The following ADGRD1 variants were observed in gnomAD, a reference collection of about 807,000 sequenced individuals.
The protein encoded by ADGRD1 is adhesion G protein-coupled receptor D1.
A neutral mutation model predicts 113.4 loss-of-function variants in ADGRD1; 77 were observed. The ratio of observed to expected loss-of-function variants is 0.68; its 90% CI spans 0.57 to 0.82. ADGRD1 has a LOEUF of 0.82. ADGRD1 is among the 40% of genes least tolerant of loss of function. The probability of loss-of-function intolerance (pLI) is 0.00; values close to 1 mark genes in which losing one functional copy is unlikely to be tolerated. For synonymous variants in ADGRD1, 474 were observed against 475.0 expected, an observed-to-expected ratio of 1.00 and a Z score of 0.03; for missense variants, 1,036 against 1,139.1, an observed-to-expected ratio of 0.91 and a Z score of 1.30.
At chr12:131,080,029 CTCT>C (rs1175753139) in intron 14 of ADGRD1, among the ~76,000 whole-genome samples, 1 of 152,110 alleles carries the variant, frequency 6.6e-6, no homozygotes, top group Non-Finnish European at 1.5e-5. Context: ...GTTTAATTTG[CTCT>C]TCATTTTAAA....
At chr12:131,101,495 C>G (rs539024958) in intron 15 of ADGRD1, among the ~76,000 whole-genome samples, 2 of 140,998 alleles carry the variant, frequency 1.4e-5, no homozygotes, top group South Asian at 4.6e-4. Flanking sequence ...TCAAGTGATT[C>G]TCCTGCCTCA....
chr12:131,134,916 C>CT (rs1951037500), intron 21 of ADGRD1, among the ~76,000 whole-genome samples: 1 of 152,258 alleles, frequency 6.6e-6, no homozygotes, highest in Non-Finnish European at 1.5e-5. Flanking sequence ...AAGGAACCCA[C>CT]AGTCTATGAG....
In ADGRD1 at chr12:130,966,926, C is replaced by A. The variant is rs1593266880; in HGVS notation, c.187+380C>A. 2.3e-6 allele frequency: 1 copy of A among 440,298 alleles called. No homozygotes were observed. The highest frequency in any genetic ancestry group is 7.1e-5 in the East Asian group (1 of 14,184). 27.3% of individuals were successfully genotyped at this position (440,298 alleles called of 1,614,324 possible). ...TGAGCCACTGTGCCAGGCCACGAAGCATTTTACTAGAATTTTTATAGAGAG... is the reference window on the plus strand; with the variant it reads ...TGAGCCACTGTGCCAGGCCACGAAGAATTTTACTAGAATTTTTATAGAGAG... On this transcript the variant is annotated intron_variant, in intron 3 of 24. Transcript: ENST00000261654. This position sits in a 1 kb window ranked among gnomAD's most constrained non-coding sequence, Gnocchi z 4.6.
chr12:131,070,732 A>C, intron 13 of ADGRD1: 1 of 485,690 alleles, frequency 2.1e-6, no homozygotes, highest in South Asian at 1.5e-5. Flanking sequence ...CACCCACAGC[A>C]CTATCCTGGG....
chr12:131,113,992 C>G lies in ADGRD1; in HGVS notation c.2042-4393C>G, dbSNP rs540205817. 2.6e-5 allele frequency among the ~76,000 whole-genome samples: 4 copies of G among 152,162 alleles called. No individual in the cohort carries two copies. In the South Asian group the frequency reaches 8.5e-4, roughly 32 times the overall value. On this transcript the variant is annotated intron_variant, in intron 18 of 24. Coordinates refer to ENST00000261654, the MANE Select transcript of ADGRD1 (RefSeq NM_198827.5). The surrounding 1 kb of genome is among the most constrained non-coding windows in gnomAD (Gnocchi z 4.9). ...TTAGAGGCATACGTGCATGTGTGCACGCACACACACGCACACACACTCACA... is the reference window on the plus strand; with the variant it reads ...TTAGAGGCATACGTGCATGTGTGCAGGCACACACACGCACACACACTCACA...
chr12:130,961,557 G>A (rs763662188), intron 2 of ADGRD1, among the ~76,000 whole-genome samples: 4 of 152,112 alleles, frequency 2.6e-5, no homozygotes, highest in African/African-American at 7.2e-5. Context: ...CTAAGAAGAC[G>A]TTTAGTCTTT....
At chr12:131,134,238 A>T (rs1368332417) in intron 21 of ADGRD1, among the ~76,000 whole-genome samples, 1 of 152,176 alleles carries the variant, frequency 6.6e-6, no homozygotes, top group African/African-American at 2.4e-5. Flanking sequence ...GGCCAGGGCC[A>T]ACCTTGGGGG....
chr12:130,998,082 G>A (rs1875844593), intron 8 of ADGRD1, among the ~76,000 whole-genome samples: 1 of 152,144 alleles, frequency 6.6e-6, no homozygotes, highest in African/African-American at 2.4e-5. Context: ...GCTGAGGCAG[G>A]AGAATCAGGC....
At chr12:131,039,394 A>G (rs1881885468) in intron 13 of ADGRD1, among the ~76,000 whole-genome samples, 1 of 152,264 alleles carries the variant, frequency 6.6e-6, no homozygotes, top group East Asian at 1.9e-4. Flanking sequence ...GAGGGTTTCC[A>G]TAAAAATAGA....
intron 23 of ADGRD1, 183 bp from the exon 24 acceptor site, chr12:131,137,954 C>T: frequency 1.6e-6 from 1 of 606,174 alleles, no homozygotes; most frequent in East Asian, 2.9e-5. Flanking sequence ...GCGATACAAC[C>T]TGGCTCTGCC....
intron 13 of ADGRD1, 117 bp downstream of exon 13, chr12:131,014,457 A>C: frequency 1.1e-6 from 1 of 897,326 alleles, no homozygotes; most frequent in Non-Finnish European, 1.7e-6. Flanking sequence ...GCCGGCCCGA[A>C]CTGGAATCTT....
chr12:131,134,512 G>A (rs1471795342), intron 21 of ADGRD1, among the ~76,000 whole-genome samples: 3 of 152,150 alleles, frequency 2.0e-5, no homozygotes, highest in Non-Finnish European at 2.9e-5. Flanking sequence ...ACGGTTTCCC[G>A]GGACCTAAAG....
chr12:130,982,430 C>T (rs1233239154), intron 5 of ADGRD1, among the ~76,000 whole-genome samples: 2 of 152,242 alleles, frequency 1.3e-5, no homozygotes, highest in Admixed American at 1.3e-4. Context: ...AAAGTGCAAG[C>T]AGTGGTTACA....
intron 2 of ADGRD1, among the ~76,000 whole-genome samples, chr12:130,955,774 A>T (rs1234610995): frequency 1.4e-5 from 2 of 146,822 alleles, no homozygotes; most frequent in Admixed American, 7.0e-5. Context: ...AGCCTTTTTA[A>T]AAAAATTATT....
chr12:131,080,579 A>G (rs1368568033), intron 14 of ADGRD1, among the ~76,000 whole-genome samples: 1 of 152,054 alleles, frequency 6.6e-6, no homozygotes, highest in African/African-American at 2.4e-5. Flanking sequence ...GAATTCTCCA[A>G]TTTTAGTGGT....
At chr12:131,011,476 G>A (rs1042948755) in intron 12 of ADGRD1, among the ~76,000 whole-genome samples, 1 of 152,072 alleles carries the variant, frequency 6.6e-6, no homozygotes, top group Middle Eastern at 3.4e-3. Flanking sequence ...TCATCCACTC[G>A]CTCACTCACT....
At chr12:131,017,558 C>T (rs1430171538) in intron 13 of ADGRD1, among the ~76,000 whole-genome samples, 1 of 150,188 alleles carries the variant, frequency 6.7e-6, no homozygotes, top group Non-Finnish European at 1.5e-5. Flanking sequence ...ACACTCACTC[C>T]ACACACTCAG....
intron 8 of ADGRD1, 44 bp downstream of exon 8, chr12:130,992,436 C>T: frequency 6.5e-7 from 1 of 1,532,128 alleles, no homozygotes; most frequent in Non-Finnish European, 8.9e-7. Flanking sequence ...GGGCGTGGCA[C>T]CCTTACCGGG....
At chr12:131,091,758 G>C (rs1310805606) in intron 15 of ADGRD1, among the ~76,000 whole-genome samples, 1 of 152,228 alleles carries the variant, frequency 6.6e-6, no homozygotes, top group Non-Finnish European at 1.5e-5. Flanking sequence ...GGAGAGAAAG[G>C]ACTGTAAACA....
Sources: gnomAD v4.1 joint callset for allele counts (sites outside exome capture counted in the v4.1 genomes callset) on GRCh38, gnomAD v4.1.1 for gene constraint, Gnocchi (gnomAD v3.1) non-coding constraint, MANE v1.5 for transcripts, NCBI Gene and HGNC (gene_info 2026-07-23, HGNC 2026-07-21) for gene names.